SCAP: variants seen among roughly 807,000 people sequenced by gnomAD.
SCAP encodes sterol regulatory element-binding protein cleavage-activating protein.
In SCAP, 65 loss-of-function variants were observed where a neutral mutation model predicts 123.6. The observed-to-expected ratio is 0.53, with a 90% CI of 0.43 to 0.65. The LOEUF (loss-of-function observed/expected upper bound fraction) is 0.65. SCAP is among the 30% of genes least tolerant of loss of function. The pLI is 0.00. For synonymous variants in SCAP, 740 were observed against 726.3 expected (o/e 1.02, Z -0.30); for missense variants, 1,398 against 1,712.5 (o/e 0.82, Z 3.24).
At chr3:47,435,454 TATATAATATAAACATACAC>T (rs1706531478) in intron 2 of SCAP, among the ~76,000 whole-genome samples, 1 of 140,982 alleles carries the variant, frequency 7.1e-6, no homozygotes, top group African/African-American at 2.7e-5. Flanking sequence ...AACATTAACA[TATATAATATAAACATACAC>T]ACACACACAC....
At chr3:47,415,031 G>A (rs755776032) in intron 19 of SCAP, 38 bp from the exon 20 acceptor site, 2 of 1,580,222 alleles carry the variant, frequency 1.3e-6, no homozygotes, top group South Asian at 2.3e-5. Flanking sequence ...CTCTGAGAAA[G>A]CAATGGGTAG....
At position 47,428,692 on chromosome 3, in the gene SCAP, G is replaced by A. The variant is rs1411031805; in HGVS notation, c.253-22C>T. On this transcript the variant is annotated intron_variant, in intron 3 of 22. Coordinates refer to ENST00000265565, the MANE Select transcript of SCAP (RefSeq NM_012235.4). ...CATACTGCAGAAGAAATGAGGGAGG[G>A]CAGAAAGGGCAGCTGAGCACAGGAA... The A allele has an allele frequency of 1.9e-6, 3 of 1,610,864 alleles. No individual in the cohort carries two copies. In the African/African-American group the frequency reaches 4.0e-5, roughly 22 times the overall value.
At chr3:47,418,626 T>TTTC in intron 14 of SCAP, 29 bp downstream of exon 14, 1 of 1,459,574 alleles carries the variant, frequency 6.9e-7, no homozygotes. Flanking sequence ...CCGCACTCTT[T>TTTC]CCCACCCCAC....
At chr3:47,475,259 G>A (rs117238604) in intron 1 of SCAP, among the ~76,000 whole-genome samples, 3 of 152,184 alleles carry the variant, frequency 2.0e-5, no homozygotes, top group Admixed American at 2.0e-4. Flanking sequence ...ATTATAAGCC[G>A]GTTAAATACT....
rs748149812 is a variant in SCAP at position 47,420,805 on chromosome 3, C to A, written c.1345-33G>T. 12 of 1,603,662 alleles carry A rather than the reference C, an allele frequency of 7.5e-6. No individual in the cohort carries two copies. The highest frequency in any genetic ancestry group is 7.7e-6 in the Non-Finnish European group (9 of 1,173,366). ...GGGCACAGTGGTCAGGGCCTGAGTC[C>A]ACCATCCAGAGGCTGCTCGCACAGG... On this transcript the variant is annotated intron_variant, in intron 11 of 22. Transcript: ENST00000265565. This position sits in a 1 kb window ranked among gnomAD's most constrained non-coding sequence, Gnocchi z 5.0.
chr3:47,452,376 T>C (rs547586601), intron 1 of SCAP, among the ~76,000 whole-genome samples: 1 of 152,186 alleles, frequency 6.6e-6, no homozygotes, highest in Non-Finnish European at 1.5e-5. Context: ...AACCACTTGT[T>C]GAATAAGTGA....
intron 1 of SCAP, among the ~76,000 whole-genome samples, chr3:47,456,159 T>C (rs1707416979): frequency 6.6e-6 from 1 of 152,122 alleles, no homozygotes; most frequent in East Asian, 1.9e-4. Flanking sequence ...TCCCAGCACT[T>C]TGGGAAGTCA....
In SCAP at chr3:47,418,309, GC is replaced by G; in HGVS notation, c.2331+11del. On this transcript the variant is annotated intron_variant, in intron 15 of 22. Transcript: ENST00000265565. ...CGGCCCTCCCCTACCCGGCCACTGTGCCCCTGCTCACCATGAGGTGGCCGCG... is the reference window on the plus strand; with the variant it reads ...CGGCCCTCCCCTACCCGGCCACTGTGCCCTGCTCACCATGAGGTGGCCGCG... The G allele has an allele frequency of 6.4e-7, 1 of 1,556,566 alleles. No individual in the cohort carries two copies. The highest frequency in any genetic ancestry group is 8.7e-7 in the Non-Finnish European group (1 of 1,150,676).
At chr3:47,423,878 A>G in intron 9 of SCAP, 55 bp downstream of exon 9, 1 of 1,219,606 alleles carries the variant, frequency 8.2e-7, no homozygotes, top group Non-Finnish European at 1.2e-6. Flanking sequence ...CAAGAGGAAC[A>G]GGCCCCATTC....
rs767143530 is a variant in SCAP, at chr3:47,417,373, C to T, written c.2901G>A (p.Glu967=). 2.0e-5 allele frequency: 32 copies of T among 1,607,500 alleles called. No homozygotes were observed. In the East Asian group the frequency reaches 7.2e-4, roughly 36 times the overall value. ...GCAGCTCCAAGCTCCAGATGGAACCCTCGGCACTGGGGGCCCAGGCGAGGG... is the reference window on the plus strand; with the variant it reads ...GCAGCTCCAAGCTCCAGATGGAACCTTCGGCACTGGGGGCCCAGGCGAGGG... The part of the protein sequence containing the change: ...SPSLAWAPSA[E]GSIWSLELQG... Residue 967 remains glutamate, a synonymous_variant, in exon 17 of 23, where the codon GAG becomes GAA. Transcript: ENST00000265565.
intron 6 of SCAP, among the ~76,000 whole-genome samples, chr3:47,426,399 C>T (rs532126223): frequency 6.6e-6 from 1 of 152,086 alleles, no homozygotes; most frequent in South Asian, 2.1e-4. Context: ...TCTCCCTTTC[C>T]GGACCTACTC....
At chr3:47,468,410 T>C (rs1052377976) in intron 1 of SCAP, among the ~76,000 whole-genome samples, 1 of 152,170 alleles carries the variant, frequency 6.6e-6, no homozygotes, top group Non-Finnish European at 1.5e-5. Flanking sequence ...ATGATCCCCA[T>C]TCTAACTGGT....
chr3:47,470,675 C>G (rs557427980), intron 1 of SCAP, among the ~76,000 whole-genome samples: 64 of 152,298 alleles, frequency 4.2e-4, no homozygotes, highest in African/African-American at 1.4e-3. Context: ...CTAGCCTGGC[C>G]AACATGGTGA....
Position 47,419,768 on chromosome 3 carries a change from T to C in SCAP, c.1564-64A>G. On this transcript the variant is annotated intron_variant, in intron 12 of 22. Transcript: ENST00000265565. This position sits in a 1 kb window ranked among gnomAD's most constrained non-coding sequence, Gnocchi z 5.0. The stretch of plus-strand genomic sequence containing the variant: ...CCCCAACCCCCAGCAGCTTCAGCCC[T>C]CATGCTGAGAGGAAGCAGCACAGGG... 1.3e-6 allele frequency: 2 copies of C among 1,491,496 alleles called. No individual in the cohort carries two copies. Among genetic ancestry groups the C allele is most frequent in the Non-Finnish European group, 1.8e-6 (2 of 1,118,686 alleles). 92.4% of individuals were successfully genotyped at this position (1,491,496 alleles called of 1,614,324 possible).
rs184924136 is a variant in SCAP, at chr3:47,458,116, C to T, written c.-98-15025G>A. ...CAGCCTGGGCAACATGGTGAAACCC[C>T]GTCTCTACTAAAAATACAAAAATTA... On this transcript the variant is annotated intron_variant, in intron 1 of 22. Coordinates refer to ENST00000265565, the MANE Select transcript of SCAP (RefSeq NM_012235.4). 2.4e-3 allele frequency among the ~76,000 whole-genome samples: 358 copies of T among 152,194 alleles called. 3 individuals carry two copies. The highest frequency in any genetic ancestry group is 8.1e-3 in the African/African-American group (335 of 41,512).
Position 47,414,819 on chromosome 3 carries a change from A to G in SCAP, c.3306+8T>C. 2 of 1,603,176 alleles carry G rather than the reference A, an allele frequency of 1.2e-6. No homozygotes were observed. The highest frequency in any genetic ancestry group is 1.7e-5 in the Admixed American group (1 of 59,418). The stretch of plus-strand genomic sequence containing the variant: ...ACTCCAGCACCCAAGAGACAAGACA[A>G]TACTCACTCTCAGTGTGTGGTCTTG... On this transcript the variant is annotated splice_region_variant and intron_variant, in intron 20 of 22. Coordinates refer to ENST00000265565, the MANE Select transcript of SCAP (RefSeq NM_012235.4).
At chr3:47,433,419 C>T (rs1706446255) in intron 3 of SCAP, among the ~76,000 whole-genome samples, 1 of 152,166 alleles carries the variant, frequency 6.6e-6, no homozygotes, top group East Asian at 1.9e-4. Context: ...TCTGCACCAA[C>T]ACTTTCTATC....
At chr3:47,424,804 G>A (rs1330787364) in intron 8 of SCAP, among the ~76,000 whole-genome samples, 2 of 152,150 alleles carry the variant, frequency 1.3e-5, no homozygotes, top group Non-Finnish European at 2.9e-5. Context: ...CAGCCTGATG[G>A]GCCAAAGTGG....
intron 1 of SCAP, among the ~76,000 whole-genome samples, chr3:47,468,535 C>T (rs952095654): frequency 6.6e-6 from 1 of 152,174 alleles, no homozygotes; most frequent in Non-Finnish European, 1.5e-5. Context: ...AGTGTCTGTT[C>T]ATATGCTTCA....
Sources: gnomAD v4.1 joint callset for allele counts (sites outside exome capture counted in the v4.1 genomes callset) on GRCh38, gnomAD v4.1.1 for gene constraint, Gnocchi (gnomAD v3.1) non-coding constraint, MANE v1.5 for transcripts, NCBI Gene and HGNC (gene_info 2026-07-23, HGNC 2026-07-21) for gene names.